THSD7A: variants seen among roughly 807,000 people sequenced by gnomAD.
The protein encoded by THSD7A is thrombospondin type-1 domain-containing protein 7A.
A neutral mutation model predicts 231.3 loss-of-function variants in THSD7A; 96 were observed. That is an observed-to-expected ratio of 0.41 (90% confidence interval 0.35 to 0.49). The LOEUF (loss-of-function observed/expected upper bound fraction) is 0.49, where lower values mean the gene tolerates loss of function less well. Ranked by LOEUF, THSD7A falls within the 20% of genes least tolerant of loss-of-function variation. THSD7A has a pLI of 0.05. For synonymous variants in THSD7A, 940 were observed against 743.3 expected (o/e 1.26, Z -4.30); for missense variants, 2,290 against 2,070.2 (o/e 1.11, Z -2.06).
At chr7:11,596,326 C>T (rs1206382166) in intron 2 of THSD7A, among the ~76,000 whole-genome samples, 3 of 152,280 alleles carry the variant, frequency 2.0e-5, no homozygotes, top group South Asian at 4.1e-4. Flanking sequence ...CCCAAAACAT[C>T]ACTGTGGTCC....
chr7:11,397,283 T>A (rs1293997894), intron 23 of THSD7A, among the ~76,000 whole-genome samples: 2 of 152,134 alleles, frequency 1.3e-5, no homozygotes, highest in Non-Finnish European at 2.9e-5. Context: ...CATCTGATCT[T>A]TGACAAGCCT....
intron 4 of THSD7A, among the ~76,000 whole-genome samples, chr7:11,576,849 C>G (rs761215217): frequency 4.6e-5 from 7 of 152,086 alleles, no homozygotes; most frequent in Non-Finnish European, 1.0e-4. Flanking sequence ...TTTATTTTTG[C>G]AACAGAAACA....
intron 20 of THSD7A, 122 bp from the exon 21 acceptor site, chr7:11,407,177 G>T (rs1043206030): frequency 2.0e-6 from 3 of 1,470,330 alleles, no homozygotes; most frequent in Non-Finnish European, 1.9e-6. Context: ...GTAAGGCTTA[G>T]ATGTTTTGCA....
chr7:11,582,888 G>A (rs1162640490), intron 4 of THSD7A, among the ~76,000 whole-genome samples: 1 of 151,628 alleles, frequency 6.6e-6, no homozygotes, highest in Non-Finnish European at 1.5e-5. Context: ...TTATTATCCT[G>A]CTTGAAAATT....
intron 2 of THSD7A, among the ~76,000 whole-genome samples, chr7:11,623,715 T>C (rs1007444714): frequency 6.6e-6 from 1 of 152,120 alleles, no homozygotes; most frequent in South Asian, 2.1e-4. Context: ...AGAGTTTGGC[T>C]AGCACATACA....
intron 1 of THSD7A, among the ~76,000 whole-genome samples, chr7:11,773,049 G>C (rs1371937777): frequency 6.6e-6 from 1 of 152,022 alleles, no homozygotes; most frequent in Non-Finnish European, 1.5e-5. Flanking sequence ...AGAATGAAGA[G>C]CCTAAGAAAC....
At chr7:11,683,060 G>T (rs1218076211) in intron 1 of THSD7A, among the ~76,000 whole-genome samples, 1 of 150,342 alleles carries the variant, frequency 6.7e-6, no homozygotes, top group Non-Finnish European at 1.5e-5. Flanking sequence ...GACGGAATTT[G>T]CAGTGAGCCG....
intron 7 of THSD7A, 131 bp downstream of exon 7, chr7:11,481,657 A>T: frequency 1.1e-6 from 1 of 909,346 alleles, no homozygotes; most frequent in South Asian, 2.2e-5. Flanking sequence ...ACATCAACAG[A>T]TATTAAATCT....
At chr7:11,568,641 AAAAAAAAAAAAAACC>A (rs1411165801) in intron 4 of THSD7A, among the ~76,000 whole-genome samples, 6 of 145,570 alleles carry the variant, frequency 4.1e-5, no homozygotes, top group African/African-American at 1.3e-4. Context: ...AAAAAAAAAA[AAAAAAAAAAAAAACC>A]AAAATCTGGA....
At chr7:11,812,209 C>G (rs1281467599) in intron 1 of THSD7A, among the ~76,000 whole-genome samples, 1 of 151,502 alleles carries the variant, frequency 6.6e-6, no homozygotes, top group Non-Finnish European at 1.5e-5. Context: ...GGGAGACACA[C>G]AGATGAAGAA....
chr7:11,677,679 A>C (rs1275858008), intron 1 of THSD7A, among the ~76,000 whole-genome samples: 1 of 151,318 alleles, frequency 6.6e-6, no homozygotes, highest in Non-Finnish European at 1.5e-5. Context: ...AAAAAGACAA[A>C]GGGCATTACA....
intron 2 of THSD7A, among the ~76,000 whole-genome samples, chr7:11,599,704 T>C (rs150744703): frequency 1.4e-3 from 207 of 152,238 alleles, no homozygotes; most frequent in African/African-American, 4.8e-3. Flanking sequence ...CGGAGATGTG[T>C]ATGGGTTCAA....
intron 1 of THSD7A, chr7:11,820,253 T>C: frequency 2.5e-6 from 1 of 401,938 alleles, no homozygotes; most frequent in Non-Finnish European, 4.5e-6. Flanking sequence ...TCTGTTTAGC[T>C]CCTCGCCAGC....
At chr7:11,427,528 A>C (rs182928971) in intron 14 of THSD7A, among the ~76,000 whole-genome samples, 1 of 152,238 alleles carries the variant, frequency 6.6e-6, no homozygotes, top group African/African-American at 2.4e-5. Context: ...AACCTTTGGA[A>C]ATTCACTTAA....
At chr7:11,621,150 T>C (rs1409687290) in intron 2 of THSD7A, among the ~76,000 whole-genome samples, 2 of 152,204 alleles carry the variant, frequency 1.3e-5, no homozygotes, top group African/African-American at 4.8e-5. Flanking sequence ...AAATCAAATT[T>C]GCAAGTCTAA....
At chr7:11,500,302 G>C (rs1448416883) in intron 6 of THSD7A, among the ~76,000 whole-genome samples, 3 of 152,044 alleles carry the variant, frequency 2.0e-5, no homozygotes, top group Non-Finnish European at 4.4e-5. Flanking sequence ...CCACACAAGA[G>C]ATCTTGAAAG....
rs1562428851 is a variant in THSD7A, at chr7:11,636,910, G to T, written c.242C>A (p.Thr81Lys). ...CACATGAGCACACCACACAGCCCTC[G>T]TTTGGATGCCTCCGGGACCACATTC... Reference protein sequence around the residue: ...GDECGPGGIQTRAVWCAHVEG... With the variant: ...GDECGPGGIQKRAVWCAHVEG... Residue 81 changes from threonine to lysine, a missense_variant, in exon 2 of 28, where the codon ACG becomes AAG. Thr to Lys is a moderately conservative substitution (Grantham distance 78). Coordinates refer to ENST00000423059, the MANE Select transcript of THSD7A (RefSeq NM_015204.3). This position sits in a 1 kb window ranked among gnomAD's most constrained non-coding sequence, Gnocchi z 10.0. The T allele has an allele frequency of 6.2e-7, 1 of 1,613,270 alleles. No homozygotes were observed. Among genetic ancestry groups the T allele is most frequent in the African/African-American group, 1.3e-5 (1 of 74,894 alleles).
chr7:11,435,753 G>A (rs76951549), intron 13 of THSD7A, among the ~76,000 whole-genome samples: 7,969 of 152,040 alleles, frequency 0.052, 201 homozygotes, highest in Admixed American at 0.066. Context: ...GCTTTTCCAA[G>A]TTCTGTCAGC....
At chr7:11,693,748 T>C (rs1780304976) in intron 1 of THSD7A, among the ~76,000 whole-genome samples, 1 of 151,464 alleles carries the variant, frequency 6.6e-6, no homozygotes, top group Non-Finnish European at 1.5e-5. Flanking sequence ...GAGAAAATAT[T>C]TGTGCACAGG....
Sources: gnomAD v4.1 joint callset for allele counts (sites outside exome capture counted in the v4.1 genomes callset) on GRCh38, gnomAD v4.1.1 for gene constraint, Gnocchi (gnomAD v3.1) non-coding constraint, MANE v1.5 for transcripts, NCBI Gene and HGNC (gene_info 2026-07-23, HGNC 2026-07-21) for gene names.